KIF1A: variants seen among roughly 807,000 people sequenced by gnomAD.
KIF1A encodes the protein kinesin family member 1A.
Under a neutral mutation model 227.3 loss-of-function variants are expected in KIF1A, and 46 were observed. That is an observed-to-expected ratio of 0.20 (90% CI 0.16 to 0.26). KIF1A has a LOEUF of 0.26. Among genes scored for constraint, KIF1A ranks in the 10% least tolerant of loss-of-function variants. The probability of loss-of-function intolerance (pLI) is 1.00; values close to 1 mark genes in which losing one functional copy is unlikely to be tolerated. For missense variants in KIF1A, 1,683 were observed against 2,485.9 expected (o/e 0.68, Z 6.87); for synonymous variants, 1,022 against 1,012.8 (o/e 1.01, Z -0.17).
chr2:240,763,297 G>C lies in KIF1A; in HGVS notation c.1818C>G (p.Pro606=). ...GCTCACGCTCCTGCCGGGCCTGCTC[G>C]GGGTGGTTGAACCGGAACACATGGC... ...GKSHVFRFNH[P]EQARQERERT... The change falls in exon 21 of 49, where the codon CCC becomes CCG. Residue 606 remains proline, a synonymous_variant. Transcript: ENST00000498729. The C allele has an allele frequency of 6.2e-7, 1 of 1,602,730 alleles. No individual in the cohort carries two copies. The highest frequency in any genetic ancestry group is 8.5e-7 in the Non-Finnish European group (1 of 1,174,944).
Position 240,799,325 on chromosome 2 carries a change from T to C in KIF1A, c.-60-1513A>G, listed in dbSNP as rs142554120. Reference sequence around the variant, plus strand: ...AACTCCTGGACCTTGCCCAGGCCACTCCCAGGCTCCCCAGAACTCCTCCGC... The same window carrying C: ...AACTCCTGGACCTTGCCCAGGCCACCCCCAGGCTCCCCAGAACTCCTCCGC... On this transcript the variant is annotated intron_variant, in intron 1 of 48. Transcript: ENST00000498729. 2.0e-5 allele frequency among the ~76,000 whole-genome samples: 3 copies of C among 152,284 alleles called. No individual in the cohort carries two copies. In the East Asian group the frequency reaches 5.8e-4, roughly 29 times the overall value.
rs866861554 is a variant in KIF1A at position 240,752,309 on chromosome 2, C to T, written c.2859-1762G>A. Among the ~76,000 whole-genome samples the T allele has an allele frequency of 2.2e-4, 33 of 152,062 alleles. No homozygotes were observed. Among genetic ancestry groups the T allele is most frequent in the African/African-American group, 8.0e-4 (33 of 41,396 alleles). ...CACCCACCCAGGTTATGTCCAGAAG[C>T]GCCCATGGAAGCTCACCCTGGCCCT... On this transcript the variant is annotated intron_variant, in intron 27 of 48. Coordinates refer to ENST00000498729, the MANE Select transcript of KIF1A (RefSeq NM_001244008.2). This position sits in a 1 kb window ranked among gnomAD's most constrained non-coding sequence, Gnocchi z 6.4.
intron 2 of KIF1A, among the ~76,000 whole-genome samples, chr2:240,794,643 C>T (rs776934256): frequency 7.9e-5 from 12 of 152,236 alleles, no homozygotes; most frequent in South Asian, 2.1e-4. Flanking sequence ...CCAAGGTGAA[C>T]GTTTCAAACG....
At chr2:240,806,547 A>C (rs2057420283) in intron 1 of KIF1A, among the ~76,000 whole-genome samples, 1 of 152,208 alleles carries the variant, frequency 6.6e-6, no homozygotes, top group Non-Finnish European at 1.5e-5. Context: ...GACCAGCTCT[A>C]GAAAAGCTTA....
intron 25 of KIF1A, among the ~76,000 whole-genome samples, chr2:240,759,264 G>C (rs2050225587): frequency 6.6e-6 from 1 of 151,982 alleles, no homozygotes. Flanking sequence ...ACTGCAGGCT[G>C]GGGAGGGCTG....
rs964912658 is a variant in KIF1A, at chr2:240,757,660, G to A, written c.2583-66C>T. On this transcript the variant is annotated intron_variant, in intron 26 of 48. Coordinates refer to ENST00000498729, the MANE Select transcript of KIF1A (RefSeq NM_001244008.2). This position sits in a 1 kb window ranked among gnomAD's most constrained non-coding sequence, Gnocchi z 6.2. ...CGACTCGCAGGGACGAACAGGGGCC[G>A]GGGCCGGGGCTGGGGGGCTTCTGTT... 8.0e-5 allele frequency: 121 copies of A among 1,508,672 alleles called. No homozygotes were observed. The highest frequency in any genetic ancestry group is 9.2e-5 in the Non-Finnish European group (103 of 1,121,352). 93.5% of individuals were successfully genotyped at this position (1,508,672 alleles called of 1,614,324 possible). A position where few individuals can be genotyped will look rare whatever the true frequency, so the allele number is the denominator to read the frequency against.
chr2:240,721,052 G>A lies in KIF1A; in HGVS notation c.4744-14C>T, dbSNP rs1428118616. The A allele has an allele frequency of 3.1e-6, 5 of 1,611,372 alleles. No homozygotes were observed. Among genetic ancestry groups the A allele is most frequent in the Non-Finnish European group, 4.2e-6 (5 of 1,179,316 alleles). On this transcript the variant is annotated splice_polypyrimidine_tract_variant and intron_variant, in intron 44 of 48. Transcript: ENST00000498729. ...CATCTCGGAGAGCTGCGGAGGAGAG[G>A]CCTTTTTCAGGGGACACAGGGAAGG... is the stretch of plus-strand genomic sequence containing the variant.
intron 27 of KIF1A, among the ~76,000 whole-genome samples, chr2:240,756,835 G>A (rs989121477): frequency 1.3e-5 from 2 of 152,226 alleles, no homozygotes; most frequent in African/African-American, 4.8e-5. Flanking sequence ...GCTGGGGTGA[G>A]GCTGCCTCCG....
Position 240,788,214 on chromosome 2 carries a change from T to C in KIF1A, c.200A>G (p.Tyr67Cys). The C allele has an allele frequency of 1.2e-6, 2 of 1,613,558 alleles. No homozygotes were observed. The highest frequency in any genetic ancestry group is 1.7e-6 in the Non-Finnish European group (2 of 1,179,792). Residue 67 changes from tyrosine to cysteine, a missense_variant, in exon 4 of 49, where the codon TAC becomes TGC. Transcript: ENST00000498729. This position sits in a 1 kb window ranked among gnomAD's most constrained non-coding sequence, Gnocchi z 6.6. ...WSHTSPEDIN[Y>C]ASQKQVYRDI... ...CCGGTACACCTGCTTCTGCGACGCG[T>C]AGTTGATGTCCTCAGGCTGGAGGAC... is the stretch of plus-strand genomic sequence containing the variant.
chr2:240,819,607 C>G (rs2058580656), intron 1 of KIF1A, among the ~76,000 whole-genome samples: 1 of 151,834 alleles, frequency 6.6e-6, no homozygotes. Context: ...GCCCTGCGCG[C>G]TCTCCCCTCG....
At chr2:240,735,818 C>G (rs2047246423) in intron 38 of KIF1A, among the ~76,000 whole-genome samples, 1 of 152,206 alleles carries the variant, frequency 6.6e-6, no homozygotes, top group African/African-American at 2.4e-5. Context: ...CTCCCTCTCC[C>G]AGACGTGCTC....
rs115854067 is a variant in KIF1A at position 240,793,029 on chromosome 2, G to A, written c.107-3717C>T. 2.0e-5 allele frequency among the ~76,000 whole-genome samples: 3 copies of A among 152,188 alleles called. No individual in the cohort carries two copies. The highest frequency in any genetic ancestry group is 4.8e-5 in the African/African-American group (2 of 41,442). ...TCCGAGTCTGGCCTCCAGAACAGGG[G>A]GGGGACATTTCTGTCATTTGAAGCC... On this transcript the variant is annotated intron_variant, in intron 2 of 48. Transcript: ENST00000498729. This position sits in a 1 kb window ranked among gnomAD's most constrained non-coding sequence, Gnocchi z 4.8.
chr2:240,737,971 A>C (rs1056252277), intron 37 of KIF1A, among the ~76,000 whole-genome samples: 3 of 152,170 alleles, frequency 2.0e-5, no homozygotes, highest in Non-Finnish European at 4.4e-5. Flanking sequence ...CATTGCTGGA[A>C]CTCTGACCCA....
intron 1 of KIF1A, among the ~76,000 whole-genome samples, chr2:240,813,464 G>A (rs560127473): frequency 3.3e-5 from 5 of 152,308 alleles, no homozygotes; most frequent in African/African-American, 7.2e-5. Context: ...ATGGAAGCCC[G>A]CACCCCCAGC....
At position 240,721,229 on chromosome 2, in the gene KIF1A, C is replaced by G. The variant is rs563093592; in HGVS notation, c.4744-191G>C. 2.6e-5 allele frequency among the ~76,000 whole-genome samples: 4 copies of G among 152,284 alleles called. No individual in the cohort carries two copies. In the South Asian group the frequency reaches 8.3e-4, roughly 32 times the overall value. ...CCCTCCAGCCCCTGTGGCCCCTGGCCGGCCCCTCCCATCACTTCAGGCTCT... is the reference window on the plus strand; with the variant it reads ...CCCTCCAGCCCCTGTGGCCCCTGGCGGGCCCCTCCCATCACTTCAGGCTCT... On this transcript the variant is annotated intron_variant, in intron 44 of 48. Coordinates refer to ENST00000498729, the MANE Select transcript of KIF1A (RefSeq NM_001244008.2).
At chr2:240,796,407 C>G (rs1022972156) in intron 2 of KIF1A, among the ~76,000 whole-genome samples, 4 of 152,148 alleles carry the variant, frequency 2.6e-5, no homozygotes, top group Non-Finnish European at 5.9e-5. Flanking sequence ...CCACGGGCCC[C>G]GGCAAGGCCA....
chr2:240,782,351 A>G (rs2054160651), intron 10 of KIF1A, among the ~76,000 whole-genome samples: 1 of 151,160 alleles, frequency 6.6e-6, no homozygotes, highest in Admixed American at 6.6e-5. Context: ...GGTGTCTCCC[A>G]GCAGCCCCCG....
Position 240,718,143 on chromosome 2 carries a change from G to A in KIF1A, c.5240C>T (p.Thr1747Met), listed in dbSNP as rs781332601. 3.7e-6 allele frequency: 6 copies of A among 1,607,884 alleles called. No homozygotes were observed. Among genetic ancestry groups the A allele is most frequent in the Admixed American group, 1.7e-5 (1 of 59,410 alleles). Residue 1747 changes from threonine to methionine, a missense_variant, in exon 48 of 49, where the codon ACG becomes ATG. By Grantham distance (81) the Thr-to-Met change is moderately conservative. This residue lies in a region of KIF1A where 384 missense variants were observed against 410.1 expected (regional missense o/e 0.94). Transcript: ENST00000498729. ...LKTPNTFAVCTEHRGILLQAA... is the reference protein window; with the variant it reads ...LKTPNTFAVCMEHRGILLQAA... Reference sequence around the variant, plus strand: ...CTGCAGCAGGATGCCGCGGTGTTCCGTGCACACCGCGAATGTGTTGGGTGT... The same window carrying A: ...CTGCAGCAGGATGCCGCGGTGTTCCATGCACACCGCGAATGTGTTGGGTGT...
intron 23 of KIF1A, among the ~76,000 whole-genome samples, chr2:240,762,180 G>C (rs1384789476): frequency 6.6e-6 from 1 of 152,230 alleles, no homozygotes; most frequent in Non-Finnish European, 1.5e-5. Flanking sequence ...CTGGCCAGAG[G>C]CTGAGATGGG....
Sources: gnomAD v4.1 joint callset for allele counts (sites outside exome capture counted in the v4.1 genomes callset) on GRCh38, gnomAD v4.1.1 for gene constraint, gnomAD v4.1.1 regional missense constraint, Gnocchi (gnomAD v3.1) non-coding constraint, MANE v1.5 for transcripts, NCBI Gene and HGNC (gene_info 2026-07-23, HGNC 2026-07-21) for gene names.